Variants in RAB3GAP1 observed in about 807,000 individuals in gnomAD.
RAB3GAP1 encodes rab3 GTPase-activating protein catalytic subunit.
In RAB3GAP1, 86 loss-of-function variants were observed where a neutral mutation model predicts 130.7. The ratio of observed to expected loss-of-function variants is 0.66; its 90% CI spans 0.55 to 0.79. RAB3GAP1 has a LOEUF of 0.79. Among genes scored for constraint, RAB3GAP1 ranks in the 30% least tolerant of loss-of-function variants. The pLI is 0.00. For missense variants in RAB3GAP1, 1,029 were observed against 1,169.4 expected (o/e 0.88, Z 1.75); for synonymous variants, 367 against 401.7 (o/e 0.91, Z 1.03).
At chr2:135,153,117 C>T (rs1217831515) in intron 18 of RAB3GAP1, 1 of 156,502 alleles carries the variant, frequency 6.4e-6, no homozygotes, top group Non-Finnish European at 1.4e-5. Flanking sequence ...GGTTAGCTGA[C>T]ATTTATTGCA....
intron 5 of RAB3GAP1, among the ~76,000 whole-genome samples, chr2:135,102,314 TC>T (rs988411982): frequency 1.3e-5 from 2 of 152,182 alleles, no homozygotes; most frequent in African/African-American, 4.8e-5. Context: ...TGGAATGGGT[TC>T]TGCGCTAGAG....
chr2:135,060,197 A>T (rs1689126852), intron 3 of RAB3GAP1, among the ~76,000 whole-genome samples: 1 of 151,142 alleles, frequency 6.6e-6, no homozygotes, highest in Admixed American at 6.6e-5. Context: ...AGATTTTTTT[A>T]ATAGTTTTTT....
chr2:135,115,104 C>G, intron 6 of RAB3GAP1, 112 bp from the exon 7 acceptor site: 1 of 1,008,130 alleles, frequency 9.9e-7, no homozygotes, highest in Non-Finnish European at 1.5e-6. Context: ...TGTTGTGTTT[C>G]CAGTTTAGTG....
At position 135,132,938 on chromosome 2, in the gene RAB3GAP1, C is replaced by T. The variant is rs1305291062; in HGVS notation, c.1280C>T (p.Thr427Ile). ...GTTTCTGAGAAACCATTAGATGGAA[C>T]TACTTCAACAGATAATAATAATCCT... is the stretch of plus-strand genomic sequence containing the variant. The part of the protein sequence containing the change: ...DAVSEKPLDG[T>I]TSTDNNNPPS... The change falls in exon 14 of 24, where the codon ACT (threonine) becomes ATT (isoleucine). Residue 427 changes from threonine to isoleucine, a missense_variant. Around this residue, in one of 3 missense-constraint regions of RAB3GAP1, gnomAD observed 510 missense variants for 532.1 expected, o/e 0.96. Coordinates refer to ENST00000264158, the MANE Select transcript of RAB3GAP1 (RefSeq NM_012233.3). 6.3e-7 allele frequency: 1 copy of T among 1,584,558 alleles called. No individual in the cohort carries two copies. Among genetic ancestry groups the T allele is most frequent in the Non-Finnish European group, 8.7e-7 (1 of 1,153,520 alleles).
rs575240405 is a variant in RAB3GAP1, at chr2:135,061,751, G to A, written c.150+3665G>A. 6.5e-4 allele frequency among the ~76,000 whole-genome samples: 98 copies of A among 151,910 alleles called. 2 individuals carry two copies. The highest frequency in any genetic ancestry group is 1.7e-3 in the South Asian group (8 of 4,816). On this transcript the variant is annotated intron_variant, in intron 3 of 23. Transcript: ENST00000264158. Reference sequence around the variant, plus strand: ...GCTAGGTTGTGAAGATGTTTTTAATGCATTTTTCTAGAGGGTTTACCAATT... The same window carrying A: ...GCTAGGTTGTGAAGATGTTTTTAATACATTTTTCTAGAGGGTTTACCAATT...
intron 15 of RAB3GAP1, among the ~76,000 whole-genome samples, chr2:135,134,250 A>G (rs1691623068): frequency 6.6e-6 from 1 of 152,208 alleles, no homozygotes; most frequent in Non-Finnish European, 1.5e-5. Flanking sequence ...GAATAGTTAA[A>G]TAAATTATAC....
In RAB3GAP1 at chr2:135,130,110, A is replaced by G. The variant is rs746609526; in HGVS notation, c.1066+23A>G. The G allele has an allele frequency of 5.2e-6, 8 of 1,539,846 alleles. No homozygotes were observed. The Admixed American group carries it at 1.2e-4, about 23-fold the overall frequency. On this transcript the variant is annotated intron_variant, in intron 12 of 23. Transcript: ENST00000264158. ...AAGGTAACCTACATTTTTTTTTAAC[A>G]TTACTTTCAAATGTCTTACTGTTTT...
chr2:135,103,795 T>C (rs1690518529), intron 5 of RAB3GAP1, among the ~76,000 whole-genome samples: 1 of 152,226 alleles, frequency 6.6e-6, no homozygotes, highest in African/African-American at 2.4e-5. Flanking sequence ...TGGGAACAGA[T>C]GGGTAAAACC....
intron 3 of RAB3GAP1, among the ~76,000 whole-genome samples, chr2:135,074,149 C>G (rs987913064): frequency 1.3e-5 from 2 of 152,168 alleles, no homozygotes; most frequent in Non-Finnish European, 2.9e-5. Flanking sequence ...TGTCTGGGTG[C>G]TGTTTGGGAT....
chr2:135,062,544 G>A (rs1056781515), intron 3 of RAB3GAP1, among the ~76,000 whole-genome samples: 3 of 152,214 alleles, frequency 2.0e-5, no homozygotes, highest in Non-Finnish European at 4.4e-5. Context: ...TTTTAGAATA[G>A]GCTTGCTAAT....
chr2:135,138,348 G>A (rs1691739073), intron 17 of RAB3GAP1, among the ~76,000 whole-genome samples: 1 of 151,764 alleles, frequency 6.6e-6, no homozygotes, highest in Admixed American at 6.6e-5. Context: ...TACTCGGGAG[G>A]CTGAGGTAGA....
downstream of RAB3GAP1, among the ~76,000 whole-genome samples, chr2:135,171,721 C>T (rs188728408): frequency 1.3e-5 from 2 of 152,236 alleles, no homozygotes; most frequent in South Asian, 2.1e-4. Context: ...GTGACTAGAA[C>T]GTGGAAGACC....
chr2:135,086,860 G>T (rs1262092160), intron 3 of RAB3GAP1, among the ~76,000 whole-genome samples: 1 of 151,360 alleles, frequency 6.6e-6, no homozygotes, highest in African/African-American at 2.4e-5. Flanking sequence ...TAGAGACAGG[G>T]TCTTGTTGCC....
chr2:135,168,884 TC>T lies in RAB3GAP1; in HGVS notation c.*105del. 1.0e-6 allele frequency: 1 copy of T among 961,376 alleles called. No homozygotes were observed. Among genetic ancestry groups the T allele is most frequent in the Non-Finnish European group, 1.7e-6 (1 of 594,332 alleles). 59.6% of individuals were successfully genotyped at this position (961,376 alleles called of 1,614,324 possible). ...CTGGGAGGTCCTGGAGAGGGCCCTG[TC>T]CAGTTGGGTGATCAGGAATCAAACC... On this transcript the variant is annotated 3_prime_UTR_variant, in exon 24 of 24. Transcript: ENST00000264158.
intron 5 of RAB3GAP1, among the ~76,000 whole-genome samples, chr2:135,108,550 T>C (rs1051105021): frequency 1.3e-5 from 2 of 152,026 alleles, no homozygotes; most frequent in African/African-American, 4.8e-5. Context: ...ATGTTCTTAT[T>C]TTTGAGTTTT....
chr2:135,075,371 T>C (rs895980715), intron 3 of RAB3GAP1, among the ~76,000 whole-genome samples: 1 of 152,210 alleles, frequency 6.6e-6, no homozygotes, highest in Non-Finnish European at 1.5e-5. Flanking sequence ...CAGAACAACT[T>C]TTAACAGTTC....
rs538210557 is a variant in RAB3GAP1, at chr2:135,118,353, T to C, written c.649-2466T>C. The stretch of plus-strand genomic sequence containing the variant: ...ACTTACTTTTCTGATAAGAAACATC[T>C]CTCAAAATTGATTTGAGAGAATTGA... On this transcript the variant is annotated intron_variant, in intron 7 of 23. Coordinates refer to ENST00000264158, the MANE Select transcript of RAB3GAP1 (RefSeq NM_012233.3). 9.0e-4 allele frequency among the ~76,000 whole-genome samples: 137 copies of C among 152,310 alleles called. 1 individual carries two copies. Among genetic ancestry groups the C allele is most frequent in the African/African-American group, 2.9e-3 (122 of 41,574 alleles).
intron 6 of RAB3GAP1, among the ~76,000 whole-genome samples, chr2:135,113,693 A>C (rs1690886111): frequency 6.6e-6 from 1 of 152,050 alleles, no homozygotes; most frequent in East Asian, 1.9e-4. Flanking sequence ...CTGAACCTCC[A>C]CTGGTTCTGA....
chr2:135,116,402 T>C (rs775933264), intron 7 of RAB3GAP1, among the ~76,000 whole-genome samples: 47 of 152,288 alleles, frequency 3.1e-4, no homozygotes, highest in Non-Finnish European at 3.8e-4. Context: ...ATTTTCAAAG[T>C]GAGCCATGTT....
Sources: allele counts gnomAD v4.1 joint callset (sites outside exome capture counted in the v4.1 genomes callset), GRCh38; gene constraint gnomAD v4.1.1; regional missense constraint gnomAD v4.1.1; transcripts MANE v1.5; gene names NCBI Gene and HGNC (gene_info 2026-07-23, HGNC 2026-07-21).